The following ZMAT4 variants were observed in gnomAD, a reference collection of about 807,000 sequenced individuals.
The protein encoded by ZMAT4 is zinc finger matrin-type protein 4.
In ZMAT4, 17 loss-of-function variants were observed where a neutral mutation model predicts 28.7. That is an observed-to-expected ratio of 0.59 (90% CI 0.41 to 0.89). The LOEUF (loss-of-function observed/expected upper bound fraction) is 0.89. Among genes scored for constraint, ZMAT4 ranks in the 40% least tolerant of loss-of-function variants. The pLI, the probability that ZMAT4 is intolerant of heterozygous loss-of-function variation, is 0.00. For missense variants in ZMAT4, 240 were observed against 283.8 expected (o/e 0.85, Z 1.11); for synonymous variants, 117 against 109.2 (o/e 1.07, Z -0.44).
intron 5 of ZMAT4, among the ~76,000 whole-genome samples, chr8:40,618,703 T>C (rs1265422754): frequency 6.7e-6 from 1 of 149,606 alleles, no homozygotes; most frequent in Admixed American, 6.6e-5. Context: ...GTCAGATCCA[T>C]ACAGAAGATG....
intron 3 of ZMAT4, among the ~76,000 whole-genome samples, chr8:40,727,151 A>T (rs1811346486): frequency 6.6e-6 from 1 of 151,854 alleles, no homozygotes; most frequent in African/African-American, 2.4e-5. Flanking sequence ...TCTAATAAAC[A>T]CTCAGGTTCT....
chr8:40,701,179 A>T lies in ZMAT4; in HGVS notation c.193-3778T>A, dbSNP rs946987125. 3.3e-5 allele frequency among the ~76,000 whole-genome samples: 5 copies of T among 152,232 alleles called. No individual in the cohort carries two copies. The South Asian group carries it at 1.0e-3, about 32-fold the overall frequency. ...ATGTTAGTTTCACAATGGTAGTTTT[A>T]ATATATATTCCTAGATTTCTGCTCT... On this transcript the variant is annotated intron_variant, in intron 3 of 6. Transcript: ENST00000297737.
At chr8:40,638,036 G>A (rs61317456) in intron 5 of ZMAT4, among the ~76,000 whole-genome samples, 4,300 of 152,262 alleles carry the variant, frequency 0.028, 192 homozygotes, top group African/African-American at 0.098. Flanking sequence ...GAGTAGAATC[G>A]TGGTTATCAG....
intron 5 of ZMAT4, among the ~76,000 whole-genome samples, chr8:40,628,079 G>T (rs1806440731): frequency 6.6e-6 from 1 of 152,204 alleles, no homozygotes; most frequent in African/African-American, 2.4e-5. Context: ...AGAGTTAAGG[G>T]AGGATTTTGT....
chr8:40,884,141 A>G (rs1328939143), intron 1 of ZMAT4, among the ~76,000 whole-genome samples: 3 of 151,890 alleles, frequency 2.0e-5, no homozygotes, highest in African/African-American at 7.2e-5. Flanking sequence ...CCACCATGCT[A>G]CTCTCTGAGA....
chr8:40,754,253 AG>A (rs1382389451), intron 3 of ZMAT4, among the ~76,000 whole-genome samples: 1 of 152,226 alleles, frequency 6.6e-6, no homozygotes, highest in Non-Finnish European at 1.5e-5. Flanking sequence ...ACAATAAAAC[AG>A]TGGAGTTAGA....
At chr8:40,710,903 C>T (rs1810587071) in intron 3 of ZMAT4, among the ~76,000 whole-genome samples, 2 of 152,032 alleles carry the variant, frequency 1.3e-5, no homozygotes, top group African/African-American at 4.8e-5. Context: ...GCCTCAGCCT[C>T]CTGAGTAGCT....
intron 3 of ZMAT4, among the ~76,000 whole-genome samples, chr8:40,701,428 G>T (rs1232565968): frequency 2.0e-5 from 3 of 150,228 alleles, no homozygotes; most frequent in African/African-American, 7.3e-5. Flanking sequence ...AAAGGGGCCA[G>T]TTATTCACAT....
chr8:40,897,543 CAAA>C (rs1818919777), intron 1 of ZMAT4, 137 bp downstream of exon 1: 1 of 152,466 alleles, frequency 6.6e-6, no homozygotes, highest in Admixed American at 6.5e-5. Context: ...TTCCTCCCAA[CAAA>C]AGACAGTGAT....
intron 2 of ZMAT4, among the ~76,000 whole-genome samples, chr8:40,781,284 A>G (rs1265447511): frequency 6.6e-6 from 1 of 152,216 alleles, no homozygotes; most frequent in Non-Finnish European, 1.5e-5. Flanking sequence ...CATAAAAAAA[A>G]ACTACTTAGG....
chr8:40,838,223 A>G (rs1048188256), intron 1 of ZMAT4, among the ~76,000 whole-genome samples: 1 of 152,252 alleles, frequency 6.6e-6, no homozygotes, highest in African/African-American at 2.4e-5. Context: ...GGTGAGCAGC[A>G]GTTGGCCAGT....
intron 4 of ZMAT4, chr8:40,691,053 G>T (rs1171931330): frequency 3.0e-6 from 1 of 331,704 alleles, no homozygotes; most frequent in Non-Finnish European, 4.3e-6. Context: ...CAGTAGACCA[G>T]CAAATACCAG....
intron 6 of ZMAT4, among the ~76,000 whole-genome samples, chr8:40,580,016 T>A (rs879860456): frequency 0.011 from 1,630 of 148,046 alleles, 17 homozygotes; most frequent in South Asian, 0.039. Flanking sequence ...TCATCTTTTT[T>A]TTTTTTTTTT....
At chr8:40,749,021 G>A (rs1812352926) in intron 3 of ZMAT4, among the ~76,000 whole-genome samples, 1 of 152,090 alleles carries the variant, frequency 6.6e-6, no homozygotes, top group African/African-American at 2.4e-5. Context: ...TTTATAAGGG[G>A]TAACCCCTTT....
At chr8:40,743,881 C>T (rs946261743) in intron 3 of ZMAT4, among the ~76,000 whole-genome samples, 1 of 152,054 alleles carries the variant, frequency 6.6e-6, no homozygotes, top group African/African-American at 2.4e-5. Flanking sequence ...CGGTGGCCTT[C>T]GTGGTACAGG....
At chr8:40,878,983 C>T (rs980148537) in intron 1 of ZMAT4, among the ~76,000 whole-genome samples, 4 of 152,208 alleles carry the variant, frequency 2.6e-5, no homozygotes, top group African/African-American at 9.6e-5. Flanking sequence ...TGTGGCTTTG[C>T]TACTGACTAG....
intron 3 of ZMAT4, among the ~76,000 whole-genome samples, chr8:40,714,349 G>A (rs1810754705): frequency 6.6e-6 from 1 of 152,070 alleles, no homozygotes; most frequent in Non-Finnish European, 1.5e-5. Context: ...AGTTAATAGA[G>A]GATAATATTT....
At chr8:40,839,213 C>A (rs1467695649) in intron 1 of ZMAT4, among the ~76,000 whole-genome samples, 1 of 152,142 alleles carries the variant, frequency 6.6e-6, no homozygotes, top group Non-Finnish European at 1.5e-5. Context: ...AGCAATGGTG[C>A]AGAGATGCCT....
At chr8:40,597,269 T>C (rs972019760) in intron 5 of ZMAT4, among the ~76,000 whole-genome samples, 1 of 152,240 alleles carries the variant, frequency 6.6e-6, no homozygotes, top group East Asian at 1.9e-4. Context: ...TTGATGACTT[T>C]GGCTTTTGAT....
Sources: allele counts gnomAD v4.1 joint callset (sites outside exome capture counted in the v4.1 genomes callset), GRCh38; gene constraint gnomAD v4.1.1; transcripts MANE v1.5; gene names NCBI Gene and HGNC (gene_info 2026-07-23, HGNC 2026-07-21).